CDK12: variants seen among roughly 807,000 people sequenced by gnomAD.
The protein encoded by CDK12 is cyclin dependent kinase 12.
Under a neutral mutation model 133.8 loss-of-function variants are expected in CDK12, and 17 were observed. That is an observed-to-expected ratio of 0.13 (90% CI 0.09 to 0.19). CDK12 has a LOEUF of 0.19. Ranked by LOEUF, CDK12 falls within the 10% of genes least tolerant of loss-of-function variation. The pLI is 1.00. For synonymous variants in CDK12, 694 were observed against 683.6 expected, an observed-to-expected ratio of 1.02 and a Z score of -0.24; for missense variants, 1,508 against 1,818.7, an observed-to-expected ratio of 0.83 and a Z score of 3.11.
intron 5 of CDK12, among the ~76,000 whole-genome samples, chr17:39,497,479 A>T (rs1477370703): frequency 6.6e-6 from 1 of 151,520 alleles, no homozygotes; most frequent in Non-Finnish European, 1.5e-5. Context: ...GGAGGTAGAG[A>T]TTGCAGTGAG....
intron 5 of CDK12, among the ~76,000 whole-genome samples, chr17:39,499,822 G>A (rs2052591015): frequency 6.6e-6 from 1 of 152,066 alleles, no homozygotes; most frequent in Admixed American, 6.6e-5. Context: ...CCAGTACTAT[G>A]AATTTCACTA....
chr17:39,541,213 T>C (rs1398218167), intron 1 of CDK12, among the ~76,000 whole-genome samples: 1 of 138,236 alleles, frequency 7.2e-6, no homozygotes, highest in Non-Finnish European at 1.6e-5. Flanking sequence ...AGGTGTGTGC[T>C]AAGTCTGGGG....
chr17:39,500,330 CA>C (rs956281122), intron 5 of CDK12, among the ~76,000 whole-genome samples: 79 of 141,218 alleles, frequency 5.6e-4, no homozygotes, highest in South Asian at 2.5e-3. Flanking sequence ...GACGCTGTCT[CA>C]AAAAAAAAAA....
At chr17:39,545,869 C>T (rs1430721950), upstream of CDK12, among the ~76,000 whole-genome samples, 1 of 150,500 alleles carries the variant, frequency 6.6e-6, no homozygotes, top group Non-Finnish European at 1.5e-5. Flanking sequence ...GATCTCGGCT[C>T]ACTGCAACCT....
chr17:39,554,651 C>T (rs547918838), intron 2 of CDK12, among the ~76,000 whole-genome samples: 7 of 152,154 alleles, frequency 4.6e-5, no homozygotes, highest in East Asian at 1.9e-4. Context: ...GAGGCTGAGG[C>T]GGGTGGATCA....
chr17:39,531,482 AC>A lies in CDK12; in HGVS notation c.*167del. Reference sequence around the variant, plus strand: ...CTCACTTGCTACTAGCAGGCGACTTACGAAATAATGATGTTGGCACCAGTTC... The same window carrying A: ...CTCACTTGCTACTAGCAGGCGACTTAGAAATAATGATGTTGGCACCAGTTC... On this transcript the variant is annotated 3_prime_UTR_variant, in exon 14 of 14. Transcript: ENST00000447079. 2 of 569,838 alleles carry A rather than the reference AC, an allele frequency of 3.5e-6. No individual in the cohort carries two copies. The highest frequency in any genetic ancestry group is 5.5e-6 in the Non-Finnish European group (2 of 365,106). The allele number at this position is 569,838 out of a possible 1,614,324, so 35.3% of individuals were successfully genotyped here.
At chr17:39,527,250 A>G (rs2054550756) in intron 13 of CDK12, among the ~76,000 whole-genome samples, 1 of 152,258 alleles carries the variant, frequency 6.6e-6, no homozygotes, top group Admixed American at 6.5e-5. Context: ...GGCCTGGCCT[A>G]TGGCCAGAAG....
intron 5 of CDK12, among the ~76,000 whole-genome samples, chr17:39,499,523 T>TC (rs2052561277): frequency 6.9e-6 from 1 of 144,682 alleles, no homozygotes. Flanking sequence ...TTTTTTTTTT[T>TC]CTCAAGATGG....
intron 3 of CDK12, among the ~76,000 whole-genome samples, chr17:39,563,325 C>A (rs1324812688): frequency 6.6e-6 from 1 of 151,824 alleles, no homozygotes; most frequent in Non-Finnish European, 1.5e-5. Flanking sequence ...GTGGTGTGAT[C>A]TTTAGATGGC....
In CDK12 at chr17:39,493,627, A is replaced by AT. The variant is rs569050271; in HGVS notation, c.2248+742dup. Among the ~76,000 whole-genome samples the AT allele has an allele frequency of 7.9e-5, 12 of 152,074 alleles. No individual in the cohort carries two copies. In the East Asian group the frequency reaches 2.3e-3, roughly 29 times the overall value. On this transcript the variant is annotated intron_variant, in intron 4 of 13. Transcript: ENST00000447079. The stretch of plus-strand genomic sequence containing the variant: ...GGCATGAGCCACCACGCCTGGCCAA[A>AT]TTTTTAGTTCTAGTTTTGTCTCCAA...
At chr17:39,537,853 C>T (rs192385516), downstream of CDK12, among the ~76,000 whole-genome samples, 5 of 152,104 alleles carry the variant, frequency 3.3e-5, no homozygotes, top group East Asian at 3.9e-4. Context: ...TGAGCCACCG[C>T]GCCCAGCTTG....
intron 5 of CDK12, among the ~76,000 whole-genome samples, chr17:39,496,881 C>T (rs1353212273): frequency 7.1e-6 from 1 of 140,562 alleles, no homozygotes; most frequent in African/African-American, 2.7e-5. Flanking sequence ...GGGTGTCCAT[C>T]TCAGTGTATC....
At chr17:39,556,474 G>A (rs1406734783) in intron 3 of CDK12, 1 of 152,082 alleles carries the variant, frequency 6.6e-6, no homozygotes, top group Admixed American at 6.5e-5. Flanking sequence ...GGGGTACAGT[G>A]GGGTCCCAGC....
In CDK12 at chr17:39,531,676, A is replaced by G. The variant is rs549529655; in HGVS notation, c.*360A>G. On this transcript the variant is annotated 3_prime_UTR_variant, in exon 14 of 14. Coordinates refer to ENST00000447079, the MANE Select transcript of CDK12 (RefSeq NM_016507.4). ...AACAGTTTCAGTATTGAGATGGCTC[A>G]GGAGAGGCTCTTTGATTTTTAAAGT... 1.2e-4 allele frequency: 30 copies of G among 254,836 alleles called. No homozygotes were observed. The Admixed American group carries it at 1.3e-3, about 11-fold the overall frequency. 15.8% of individuals were successfully genotyped at this position (254,836 alleles called of 1,614,324 possible).
chr17:39,474,568 GC>G (rs572191448), intron 2 of CDK12, among the ~76,000 whole-genome samples: 27 of 152,060 alleles, frequency 1.8e-4, no homozygotes, highest in Non-Finnish European at 3.5e-4. Context: ...GCTTGCTTTG[GC>G]CTTCCAAAGT....
chr17:39,463,163 G>A, intron 1 of CDK12, 46 bp downstream of exon 1: 2 of 1,531,292 alleles, frequency 1.3e-6, no homozygotes. Flanking sequence ...GGTGGGTTGC[G>A]AGGAATTGGC....
At chr17:39,542,397 G>T (rs1053933429) in intron 1 of CDK12, among the ~76,000 whole-genome samples, 4 of 152,072 alleles carry the variant, frequency 2.6e-5, no homozygotes, top group African/African-American at 4.8e-5. Context: ...CACCATGTTG[G>T]CCAGTCTGAT....
At chr17:39,563,666 C>T (rs1379459084) in intron 3 of CDK12, among the ~76,000 whole-genome samples, 1 of 152,016 alleles carries the variant, frequency 6.6e-6, no homozygotes, top group Non-Finnish European at 1.5e-5. Flanking sequence ...CTGCCGGCTT[C>T]GCAGCACCGC....
chr17:39,538,157 T>C (rs1482504741), downstream of CDK12, among the ~76,000 whole-genome samples: 1 of 152,212 alleles, frequency 6.6e-6, no homozygotes, highest in African/African-American at 2.4e-5. Flanking sequence ...AACACTGTTA[T>C]CTACATAGTT....
Sources: gnomAD v4.1 joint callset for allele counts (sites outside exome capture counted in the v4.1 genomes callset) on GRCh38, gnomAD v4.1.1 for gene constraint, MANE v1.5 for transcripts, NCBI Gene and HGNC (gene_info 2026-07-23, HGNC 2026-07-21) for gene names.